Variants in SORBS2 observed in about 807,000 individuals in gnomAD.
SORBS2 encodes sorbin and SH3 domain-containing protein 2.
SORBS2 carries 46 observed loss-of-function variants against 97.7 expected under a neutral mutation model. That is an observed-to-expected ratio of 0.47 (90% CI 0.37 to 0.60). SORBS2 has a LOEUF of 0.60. SORBS2 is among the 20% of genes least tolerant of loss of function. SORBS2 has a pLI of 0.00. For missense variants in SORBS2, 1,316 were observed against 1,282.3 expected (o/e 1.03, Z -0.40); for synonymous variants, 476 against 473.4 (o/e 1.01, Z -0.07).
intron 1 of SORBS2, among the ~76,000 whole-genome samples, chr4:185,868,747 A>G (rs1395428067): frequency 6.6e-6 from 1 of 152,174 alleles, no homozygotes; most frequent in Non-Finnish European, 1.5e-5. Flanking sequence ...CGCTGTCTCC[A>G]TCACCAGGGG....
rs187698551 is a variant in SORBS2, at chr4:185,726,129, A to G, written c.-197-47307T>C. Among the ~76,000 whole-genome samples, 471 of 152,274 alleles carry G rather than the reference A, an allele frequency of 3.1e-3. 3 individuals are homozygous for G. Among genetic ancestry groups the G allele is most frequent in the African/African-American group, 0.011 (458 of 41,562 alleles). ...GAGCCCATGACTGGTGTGGCGAGGC[A>G]GGTGTGATTTTGATTCATCTTTTGT... On this transcript the variant is annotated intron_variant, in intron 2 of 20. Transcript: ENST00000284776.
intron 2 of SORBS2, among the ~76,000 whole-genome samples, chr4:185,709,320 T>A (rs79781946): frequency 7.1e-6 from 1 of 141,040 alleles, no homozygotes; most frequent in Non-Finnish European, 1.5e-5. Context: ...TTTTTTTTTT[T>A]TTTTAGTAAA....
At chr4:185,859,493 T>G (rs1226482598) in intron 1 of SORBS2, among the ~76,000 whole-genome samples, 1 of 152,170 alleles carries the variant, frequency 6.6e-6, no homozygotes, top group Non-Finnish European at 1.5e-5. Context: ...GCTTCCTTGC[T>G]AGGAACGTCT....
intron 1 of SORBS2, chr4:185,894,403 G>T (rs979673893): frequency 2.0e-5 from 3 of 152,064 alleles, no homozygotes; most frequent in Non-Finnish European, 4.4e-5. Context: ...AATAAACAGA[G>T]ATAGTCATTT....
In SORBS2 at chr4:185,931,156, C is replaced by T. The variant is rs537692583; in HGVS notation, c.-338+25040G>A. Among the ~76,000 whole-genome samples the T allele has an allele frequency of 2.2e-4, 33 of 151,990 alleles. 1 individual carries two copies. The highest frequency in any genetic ancestry group is 7.7e-4 in the African/African-American group (32 of 41,440). On this transcript the variant is annotated intron_variant, in intron 1 of 20. Coordinates refer to the SORBS2 transcript ENST00000284776. ...ATCATTATGATTCATCATTTTTATG[C>T]TAAACAGAGAAGGAAAAAGGAAGCA...
At chr4:185,818,622 C>T (rs1183947071) in intron 1 of SORBS2, among the ~76,000 whole-genome samples, 2 of 151,826 alleles carry the variant, frequency 1.3e-5, no homozygotes, top group African/African-American at 2.4e-5. Flanking sequence ...GTCAGGAGAT[C>T]GAGACCATCC....
upstream of SORBS2, chr4:185,657,408 C>A: frequency 1.3e-6 from 2 of 1,524,338 alleles, no homozygotes; most frequent in East Asian, 2.4e-5. Flanking sequence ...CAGACGCACA[C>A]GCTGGCATTT....
At chr4:185,598,770 A>G (rs1342725869) in intron 12 of SORBS2, among the ~76,000 whole-genome samples, 1 of 152,186 alleles carries the variant, frequency 6.6e-6, no homozygotes, top group Admixed American at 6.5e-5. Context: ...TTCTTAAATT[A>G]TGAAGGTAAA....
rs897112062 is a variant in SORBS2 at position 185,862,820 on chromosome 4, T to C, written c.-337-87454A>G. ...CCTCCACTGAGGGTGGTGGTGGGGC[T>C]GTCTTCCCTCCTCAAATACACCTGA... On this transcript the variant is annotated intron_variant, in intron 1 of 20. Transcript: ENST00000284776. Among the ~76,000 whole-genome samples, 78 of 152,184 alleles carry C rather than the reference T, an allele frequency of 5.1e-4. 1 individual carries two copies. The highest frequency in any genetic ancestry group is 1.0e-4 in the Non-Finnish European group (7 of 68,024).
At chr4:185,649,640 G>C (rs2097276105) in exon 3 of SORBS2, 2 of 1,519,558 alleles carry the variant, frequency 1.3e-6, no homozygotes, top group Non-Finnish European at 1.8e-6. Flanking sequence ...GAGCACTGTA[G>C]GGTGGGTTGT....
At chr4:185,758,499 T>G (rs915443094) in intron 2 of SORBS2, among the ~76,000 whole-genome samples, 1 of 152,206 alleles carries the variant, frequency 6.6e-6, no homozygotes, top group African/African-American at 2.4e-5. Flanking sequence ...TTAGCCTTTT[T>G]GTCCTCTTTC....
intron 1 of SORBS2, among the ~76,000 whole-genome samples, chr4:185,897,332 C>T (rs1368065521): frequency 1.3e-5 from 2 of 152,176 alleles, no homozygotes; most frequent in Non-Finnish European, 2.9e-5. Flanking sequence ...GAAAGCTGAC[C>T]AGAGAGGCCA....
chr4:185,821,427 T>C (rs980550263), intron 1 of SORBS2, among the ~76,000 whole-genome samples: 2 of 152,114 alleles, frequency 1.3e-5, no homozygotes, highest in African/African-American at 4.8e-5. Context: ...TGTTTTTATG[T>C]TTGTTTCTTT....
chr4:185,912,504 G>T (rs1039346640), intron 1 of SORBS2, among the ~76,000 whole-genome samples: 6 of 145,812 alleles, frequency 4.1e-5, no homozygotes, highest in African/African-American at 1.5e-4. Context: ...AGAATCGCTT[G>T]CACCCAGGAG....
At chr4:185,724,594 G>C (rs953529224) in intron 2 of SORBS2, among the ~76,000 whole-genome samples, 1 of 152,040 alleles carries the variant, frequency 6.6e-6, no homozygotes, top group African/African-American at 2.4e-5. Flanking sequence ...AAAGTATGGG[G>C]GGCCTCTGCT....
intron 1 of SORBS2, among the ~76,000 whole-genome samples, chr4:185,784,077 G>T (rs968325639): frequency 6.6e-6 from 1 of 152,118 alleles, no homozygotes; most frequent in African/African-American, 2.4e-5. Context: ...GCATCCTGTT[G>T]AAAATTTCAT....
chr4:185,630,426 C>T lies in SORBS2; in HGVS notation c.446+123G>A, dbSNP rs189901736. 1.6e-3 allele frequency: 800 copies of T among 500,170 alleles called. 12 individuals are homozygous for T. In the Admixed American group the frequency reaches 0.028, roughly 17 times the overall value. 31.0% of individuals were successfully genotyped at this position (500,170 alleles called of 1,614,324 possible). On this transcript the variant is annotated intron_variant, in intron 5 of 14. Coordinates refer to ENST00000418609, the Ensembl canonical transcript of SORBS2. ...AACAAAATAAAACAACTTCATGAGG[C>T]ATGGTACTTCAAATAAAAATGAGTG...
intron 4 of SORBS2, among the ~76,000 whole-genome samples, chr4:185,641,284 G>A (rs971561210): frequency 1.3e-5 from 2 of 151,988 alleles, no homozygotes; most frequent in African/African-American, 4.8e-5. Flanking sequence ...ATAGAAATTA[G>A]CAGAGAAAAC....
chr4:185,950,779 C>G (rs551567237), intron 1 of SORBS2, among the ~76,000 whole-genome samples: 3 of 152,228 alleles, frequency 2.0e-5, no homozygotes, highest in Admixed American at 6.5e-5. Flanking sequence ...CTTAGAGAGA[C>G]ACTTTGGAAA....
Sources: gnomAD v4.1 joint callset for allele counts (sites outside exome capture counted in the v4.1 genomes callset) on GRCh38, gnomAD v4.1.1 for gene constraint, MANE v1.5 for transcripts, NCBI Gene and HGNC (gene_info 2026-07-23, HGNC 2026-07-21) for gene names.